The following CAST variants were observed in gnomAD, a reference collection of about 807,000 sequenced individuals.
CAST encodes calpastatin, also known as MIR583 host.
A neutral mutation model predicts 119.6 loss-of-function variants in CAST; 76 were observed. The observed-to-expected ratio is 0.64, with a 90% CI of 0.53 to 0.77. The LOEUF is 0.77. Among genes scored for constraint, CAST ranks in the 30% least tolerant of loss-of-function variants. The pLI is 0.00. For missense variants in CAST, 953 were observed against 946.5 expected (o/e 1.01, Z -0.09); for synonymous variants, 319 against 331.6 (o/e 0.96, Z 0.41).
chr5:96,628,443 G>C (rs1181550234), intron 1 of CAST, among the ~76,000 whole-genome samples: 1 of 152,212 alleles, frequency 6.6e-6, no homozygotes, highest in East Asian at 1.9e-4. Context: ...TAAAGTCCTT[G>C]AAACGTGCCC....
At chr5:96,370,183 A>C in the CAST span, among the ~76,000 whole-genome samples, 1 of 151,848 alleles carries the variant, frequency 6.6e-6, no homozygotes, top group Non-Finnish European at 1.5e-5. Context: ...TAAATGGAGA[A>C]ATACAAACTC....
At chr5:96,710,866 C>T (rs1485075683) in intron 3 of CAST, among the ~76,000 whole-genome samples, 1 of 148,756 alleles carries the variant, frequency 6.7e-6, no homozygotes, top group Non-Finnish European at 1.5e-5. Context: ...GTCCACATCA[C>T]TTAAAAAAAA....
the CAST span, among the ~76,000 whole-genome samples, chr5:96,064,759 T>C: frequency 6.6e-6 from 1 of 152,202 alleles, no homozygotes; most frequent in African/African-American, 2.4e-5. Context: ...CATAGTTGCC[T>C]GAAATAACCT....
the CAST span, among the ~76,000 whole-genome samples, chr5:96,156,260 A>G: frequency 1.3e-5 from 2 of 152,314 alleles, no homozygotes; most frequent in East Asian, 1.9e-4. Context: ...TTTAGTCCTA[A>G]GAGCCTATAC....
intron 1 of CAST, among the ~76,000 whole-genome samples, chr5:96,614,180 AG>A (rs1479911531): frequency 6.6e-6 from 1 of 152,220 alleles, no homozygotes; most frequent in African/African-American, 2.4e-5. Flanking sequence ...ACATGATTAA[AG>A]GTGAGAACTC....
At chr5:96,097,786 GAACAT>G in the CAST span, among the ~76,000 whole-genome samples, 1 of 152,154 alleles carries the variant, frequency 6.6e-6, no homozygotes, top group Non-Finnish European at 1.5e-5. Flanking sequence ...GTGTTGCAAT[GAACAT>G]ATGCATGCAT....
rs942123772 is a variant in CAST at position 96,616,693 on chromosome 5, C to T, written c.61-58846C>T. 1.7e-4 allele frequency among the ~76,000 whole-genome samples: 25 copies of T among 150,662 alleles called. 1 individual carries two copies. The highest frequency in any genetic ancestry group is 3.4e-3 in the Middle Eastern group (1 of 294). ...TGAACTTAAAACTGAGGTCCAGGGT[C>T]CAATGTGTGGCCTCTTAGACACCAA... On this transcript the variant is annotated intron_variant, in intron 1 of 11. Coordinates refer to the CAST transcript ENST00000505143.
chr5:96,540,268 T>G (rs1010740023), intron 1 of CAST, among the ~76,000 whole-genome samples: 3 of 152,152 alleles, frequency 2.0e-5, no homozygotes, highest in African/African-American at 7.2e-5. Context: ...TCATTTATTT[T>G]TATAACCCCT....
In CAST at chr5:96,727,184, G is replaced by A. The variant is rs193220685; in HGVS notation, c.337-305G>A. 7.2e-5 allele frequency among the ~76,000 whole-genome samples: 11 copies of A among 152,236 alleles called. No individual in the cohort carries two copies. In the East Asian group the frequency reaches 2.1e-3, roughly 29 times the overall value. ...GTGATGAAGGTTTTTATTTTCTGTT[G>A]CCCATTTATGTGTTACCATGTAAAT... is the stretch of plus-strand genomic sequence containing the variant. On this transcript the variant is annotated intron_variant, in intron 5 of 31. Coordinates refer to ENST00000675179, the MANE Select transcript of CAST (RefSeq NM_001750.7).
chr5:96,580,157 T>C (rs1015783297), intron 1 of CAST, among the ~76,000 whole-genome samples: 1 of 152,302 alleles, frequency 6.6e-6, no homozygotes, highest in Middle Eastern at 3.4e-3. Flanking sequence ...CAAAGGAAAG[T>C]GAGTATAATG....
chr5:96,167,354 C>A, the CAST span, among the ~76,000 whole-genome samples: 63 of 152,244 alleles, frequency 4.1e-4, no homozygotes, highest in African/African-American at 1.5e-3. Context: ...AGGTGTATGA[C>A]TAGACAGAAG....
At chr5:96,322,392 C>T in the CAST span, among the ~76,000 whole-genome samples, 1 of 152,154 alleles carries the variant, frequency 6.6e-6, no homozygotes, top group East Asian at 1.9e-4. Flanking sequence ...TACCTCCTGC[C>T]TCACAGCCTG....
chr5:96,427,391 GT>G, the CAST span, among the ~76,000 whole-genome samples: 1 of 152,144 alleles, frequency 6.6e-6, no homozygotes, highest in African/African-American at 2.4e-5. Context: ...TGCATTATAG[GT>G]ATCATGTACT....
chr5:96,769,848 T>G (rs911773519), intron 29 of CAST: 2 of 149,706 alleles, frequency 1.3e-5, no homozygotes, highest in Admixed American at 6.8e-5. Context: ...GTGTCTGGCT[T>G]ATATCATCTA....
the CAST span, among the ~76,000 whole-genome samples, chr5:96,289,700 C>G: frequency 6.6e-6 from 1 of 152,152 alleles, no homozygotes; most frequent in African/African-American, 2.4e-5. Context: ...CGAACAAACA[C>G]ACTGGCTTTA....
chr5:96,550,993 T>G lies in CAST; in HGVS notation c.60+21113T>G, dbSNP rs561212459. On this transcript the variant is annotated intron_variant, in intron 1 of 11. Coordinates refer to the CAST transcript ENST00000505143. ...ATGGAACCAAGTTAGAAAACACTCT[T>G]CAGGATATTATCCAGGAAAACTTCC... 4.9e-4 allele frequency among the ~76,000 whole-genome samples: 74 copies of G among 152,280 alleles called. 1 individual carries two copies. Among genetic ancestry groups the G allele is most frequent in the Non-Finnish European group, 1.0e-3 (69 of 68,018 alleles).
chr5:96,350,936 A>G, the CAST span, among the ~76,000 whole-genome samples: 1 of 152,148 alleles, frequency 6.6e-6, no homozygotes, highest in African/African-American at 2.4e-5. Flanking sequence ...GACCTTCATT[A>G]TAAGTGAAGA....
At chr5:96,352,706 C>T in the CAST span, among the ~76,000 whole-genome samples, 1 of 151,946 alleles carries the variant, frequency 6.6e-6, no homozygotes, top group African/African-American at 2.4e-5. Context: ...GTTCTCTGTC[C>T]CCACCAAGAT....
At chr5:96,194,501 G>A in the CAST span, among the ~76,000 whole-genome samples, 5 of 152,166 alleles carry the variant, frequency 3.3e-5, no homozygotes, top group Non-Finnish European at 7.3e-5. Flanking sequence ...ACACAGCTAC[G>A]GCACTGGTTC....
Sources: gnomAD v4.1 joint callset for allele counts (sites outside exome capture counted in the v4.1 genomes callset) on GRCh38, gnomAD v4.1.1 for gene constraint, MANE v1.5 for transcripts, NCBI Gene and HGNC (gene_info 2026-07-23, HGNC 2026-07-21) for gene names.